The following FCGR2A variants were observed in gnomAD, a reference collection of about 807,000 sequenced individuals.
FCGR2A encodes the protein Fc gamma receptor IIa.
A neutral mutation model predicts 29.3 loss-of-function variants in FCGR2A; 18 were observed. The observed-to-expected ratio is 0.62, with a 90% CI of 0.43 to 0.91. The LOEUF (loss-of-function observed/expected upper bound fraction) is 0.91. Ranked by LOEUF, FCGR2A falls within the 40% of genes least tolerant of loss-of-function variation. The pLI, the probability that FCGR2A is intolerant of heterozygous loss-of-function variation, is 0.00. For missense variants in FCGR2A, 287 were observed against 393.0 expected (o/e 0.73, Z 2.28); for synonymous variants, 126 against 144.8 (o/e 0.87, Z 0.93).
At chr1:161,508,305 T>C (rs1675552479) in intron 3 of FCGR2A, among the ~76,000 whole-genome samples, 1 of 150,732 alleles carries the variant, frequency 6.6e-6, no homozygotes, top group African/African-American at 2.4e-5. Flanking sequence ...CTTTTTTTTT[T>C]TGGCCAGGCA....
chr1:161,516,211 A>G (rs1372366883), intron 6 of FCGR2A, among the ~76,000 whole-genome samples: 13 of 152,058 alleles, frequency 8.5e-5, no homozygotes, highest in Non-Finnish European at 1.8e-4. Context: ...AATGACAGGT[A>G]TTCATTAAAT....
intron 6 of FCGR2A, among the ~76,000 whole-genome samples, chr1:161,514,305 A>C (rs557970735): frequency 6.7e-6 from 1 of 150,030 alleles, no homozygotes; most frequent in East Asian, 1.9e-4. Context: ...AAACCTATCA[A>C]ATTTCTTTAT....
Position 161,519,006 on chromosome 1 carries a change from T to A in FCGR2A, c.*858T>A, listed in dbSNP as rs1310062093. On this transcript the variant is annotated 3_prime_UTR_variant, in exon 7 of 7. Transcript: ENST00000271450. The stretch of plus-strand genomic sequence containing the variant: ...TCTCCATGCTGAGAACAAAATCACC[T>A]ATTCACTGCTTATGCAGTCGGAAGC... 13 of 283,538 alleles carry A rather than the reference T, an allele frequency of 4.6e-5. No homozygotes were observed. The highest frequency in any genetic ancestry group is 3.0e-4 in the African/African-American group (13 of 43,922). The allele number at this position is 283,538 out of a possible 1,614,324, so 17.6% of individuals were successfully genotyped here.
At chr1:161,505,592 C>T in intron 1 of FCGR2A, 40 bp downstream of exon 1, 3 of 1,479,294 alleles carry the variant, frequency 2.0e-6, no homozygotes, top group Non-Finnish European at 2.8e-6. Context: ...ATTTCAGACA[C>T]TCCTACTGCC....
chr1:161,514,542 T>C (rs1676028058), intron 6 of FCGR2A: 1 of 164,688 alleles, frequency 6.1e-6, no homozygotes, highest in East Asian at 1.8e-4. Flanking sequence ...TGACCAGGCA[T>C]AGGTACCCAT....
At chr1:161,505,728 G>T (rs1385800858) in intron 1 of FCGR2A, 176 bp downstream of exon 1, 1 of 714,222 alleles carries the variant, frequency 1.4e-6, no homozygotes, top group Middle Eastern at 3.8e-4. Context: ...GAACTCAGAG[G>T]TAGTTTCATA....
At chr1:161,521,916 A>C (rs529217807), downstream of FCGR2A, among the ~76,000 whole-genome samples, 1 of 152,110 alleles carries the variant, frequency 6.6e-6, no homozygotes, top group African/African-American at 2.4e-5. Context: ...TTTGTACTCA[A>C]TATTGAGTCG....
At chr1:161,511,045 G>A in intron 5 of FCGR2A, 89 bp downstream of exon 5, 1 of 1,581,138 alleles carries the variant, frequency 6.3e-7, no homozygotes, top group Non-Finnish European at 8.7e-7. Context: ...CGCTCTTAGG[G>A]CTAGATATGC....
intron 4 of FCGR2A, 86 bp downstream of exon 4, chr1:161,510,160 G>C: frequency 6.3e-7 from 1 of 1,579,590 alleles, no homozygotes; most frequent in Admixed American, 1.8e-5. Flanking sequence ...GGAGGTCTGA[G>C]AAAGCCCATA....
chr1:161,520,403 A>G (rs1334672733), downstream of FCGR2A, among the ~76,000 whole-genome samples: 5 of 151,966 alleles, frequency 3.3e-5, no homozygotes, highest in African/African-American at 1.2e-4. Flanking sequence ...CTCACTCACT[A>G]TTATGAGAAC....
At chr1:161,517,561 C>G (rs1184573435) in intron 6 of FCGR2A, among the ~76,000 whole-genome samples, 2 of 152,098 alleles carry the variant, frequency 1.3e-5, no homozygotes, top group Non-Finnish European at 2.9e-5. Context: ...GTAAGGATGC[C>G]AATTGAAACT....
chr1:161,513,905 T>G lies in FCGR2A; in HGVS notation c.753T>G (p.Thr251=), dbSNP rs545571774. ...TCTTTTTCCCCACAGCCAATTCCAC[T>G]GATCCTGTGAAGGCTGCCCAATTTG... ...CRKKRISANS[T]DPVKAAQFEP... The change falls in exon 6 of 7, where the codon ACT becomes ACG. Residue 251 remains threonine (T), a synonymous_variant. Coordinates refer to ENST00000271450, the MANE Select transcript of FCGR2A (RefSeq NM_001136219.3). 2.2e-5 allele frequency: 35 copies of G among 1,614,270 alleles called. No homozygotes were observed. In the East Asian group the frequency reaches 4.2e-4, roughly 20 times the overall value.
downstream of FCGR2A, among the ~76,000 whole-genome samples, chr1:161,520,681 C>T (rs1571991643): frequency 6.6e-6 from 1 of 151,492 alleles, no homozygotes; most frequent in East Asian, 1.9e-4. Flanking sequence ...TGGATTACTC[C>T]AATAGCCTCC....
At chr1:161,507,895 T>C (rs1051659029) in intron 3 of FCGR2A, among the ~76,000 whole-genome samples, 2 of 152,052 alleles carry the variant, frequency 1.3e-5, no homozygotes, top group Non-Finnish European at 2.9e-5. Context: ...GAGACCAGCC[T>C]GACCAACATG....
chr1:161,517,950 A>G (rs1219269274), intron 6 of FCGR2A, 25 bp from the exon 7 acceptor site: 15 of 1,599,052 alleles, frequency 9.4e-6, no homozygotes, highest in South Asian at 3.3e-5. Flanking sequence ...GAATTATCCT[A>G]TGGGTTTTAA....
chr1:161,506,386 C>G lies in FCGR2A; in HGVS notation c.159C>G (p.Leu53=). The G allele has an allele frequency of 6.2e-7, 1 of 1,614,236 alleles. No individual in the cohort carries two copies. The highest frequency in any genetic ancestry group is 8.5e-7 in the Non-Finnish European group (1 of 1,180,038). ...TTGAGCCCCCGTGGATCAACGTGCT[C>G]CAGGAGGACTCTGTGACTCTGACAT... ...LKLEPPWINV[L]QEDSVTLTCQ... The change falls in exon 3 of 7, where the codon CTC becomes CTG. Residue 53 remains leucine, a synonymous_variant. Transcript: ENST00000271450.
downstream of FCGR2A, chr1:161,519,868 A>G (rs1356467626): frequency 6.6e-6 from 1 of 152,316 alleles, no homozygotes; most frequent in African/African-American, 2.4e-5. Flanking sequence ...GTGAATTGTC[A>G]GTGGAGACTG....
chr1:161,510,962 T>C lies in FCGR2A; in HGVS notation c.742+6T>C. 6.2e-7 allele frequency: 1 copy of C among 1,614,112 alleles called. No individual in the cohort carries two copies. Among genetic ancestry groups the C allele is most frequent in the Non-Finnish European group, 8.5e-7 (1 of 1,179,972 alleles). On this transcript the variant is annotated splice_donor_region_variant and intron_variant, in intron 5 of 6. Coordinates refer to ENST00000271450, the MANE Select transcript of FCGR2A (RefSeq NM_001136219.3). The stretch of plus-strand genomic sequence containing the variant: ...CAGGAAAAAGCGGATTTCAGGTTTG[T>C]AGCTCCTCCCAGTCCCTTTTGTTAT...
At chr1:161,506,776 A>T in intron 3 of FCGR2A, 185 bp downstream of exon 3, 2 of 1,171,228 alleles carry the variant, frequency 1.7e-6, no homozygotes, top group Non-Finnish European at 2.4e-6. Flanking sequence ...GGGAAGGGGG[A>T]ATTTCTAATA....
Sources: gnomAD v4.1 joint callset for allele counts (sites outside exome capture counted in the v4.1 genomes callset) on GRCh38, gnomAD v4.1.1 for gene constraint, MANE v1.5 for transcripts, NCBI Gene and HGNC (gene_info 2026-07-23, HGNC 2026-07-21) for gene names.